The following COPB2 variants were observed in gnomAD, a reference collection of about 807,000 sequenced individuals.
The protein encoded by COPB2 is coatomer subunit beta'.
COPB2 carries 16 observed loss-of-function variants against 120.8 expected under a neutral mutation model. The ratio of observed to expected loss-of-function variants is 0.13; its 90% confidence interval spans 0.09 to 0.20. The LOEUF is 0.20. Ranked by LOEUF, COPB2 falls within the 10% of genes least tolerant of loss-of-function variation. COPB2 has a pLI of 1.00. For synonymous variants in COPB2, 332 were observed against 366.3 expected (o/e 0.91, Z 1.07); for missense variants, 794 against 1,076.5 (o/e 0.74, Z 3.67).
At chr3:139,383,010 C>A (rs1941841946) in intron 2 of COPB2, 2 of 366,788 alleles carry the variant, frequency 5.5e-6, no homozygotes, top group African/African-American at 4.2e-5. Flanking sequence ...AATACTTTAG[C>A]AAGTGATTCT....
intron 21 of COPB2, 24 bp from the exon 22 acceptor site, chr3:139,357,982 A>C (rs367563271): frequency 2.1e-6 from 3 of 1,417,778 alleles, no homozygotes; most frequent in Non-Finnish European, 2.9e-6. Flanking sequence ...GAAGAGGGTA[A>C]TTAAGTTTTA....
At chr3:139,388,167 C>G (rs1239465724) in intron 1 of COPB2, 1 of 152,130 alleles carries the variant, frequency 6.6e-6, no homozygotes, top group Non-Finnish European at 1.5e-5. Context: ...ACTGCAACCA[C>G]AGCAGACCCA....
At chr3:139,378,570 AAAAAGT>A (rs1232812111) in intron 4 of COPB2, among the ~76,000 whole-genome samples, 1 of 152,230 alleles carries the variant, frequency 6.6e-6, no homozygotes, top group Non-Finnish European at 1.5e-5. Flanking sequence ...ATTGGTTTTT[AAAAAGT>A]TTTTAATTAC....
intron 10 of COPB2, 96 bp downstream of exon 10, chr3:139,371,627 G>A (rs1316419728): frequency 7.8e-6 from 8 of 1,019,754 alleles, no homozygotes; most frequent in Non-Finnish European, 1.2e-5. Context: ...TTTTAACACG[G>A]AGAATCACAG....
chr3:139,366,447 G>T (rs894636868), intron 15 of COPB2, 121 bp downstream of exon 15: 3 of 888,452 alleles, frequency 3.4e-6, no homozygotes, highest in Non-Finnish European at 3.4e-6. Flanking sequence ...ACTCACAGGA[G>T]AAATTCTATT....
chr3:139,381,148 T>C (rs1941804418), intron 2 of COPB2: 2 of 152,220 alleles, frequency 1.3e-5, no homozygotes, highest in African/African-American at 4.8e-5. Flanking sequence ...GGCAATAATA[T>C]CATCTTCACT....
chr3:139,358,162 T>G, intron 21 of COPB2, 38 bp downstream of exon 21: 1 of 1,556,768 alleles, frequency 6.4e-7, no homozygotes, highest in South Asian at 1.1e-5. Context: ...GGGAGGAAGA[T>G]GGGGTAGAGG....
chr3:139,372,613 T>C (rs1210403957), intron 9 of COPB2, among the ~76,000 whole-genome samples: 2 of 152,226 alleles, frequency 1.3e-5, no homozygotes, highest in African/African-American at 4.8e-5. Flanking sequence ...TCTTTTTCAA[T>C]ACTCAGCACA....
chr3:139,379,107 A>G lies in COPB2; in HGVS notation c.295T>C (p.Ser99Pro). The G allele has an allele frequency of 6.2e-7, 1 of 1,612,972 alleles. No individual in the cohort carries two copies. Among genetic ancestry groups the G allele is most frequent in the Non-Finnish European group, 8.5e-7 (1 of 1,179,650 alleles). ...ACAGCAATACAGCGAATGTAGTCTG[A>G]GTGTGCTTCAAACATATGAACTCTC... ...LERVHMFEAHSDYIRCIAVHP... is the reference protein window; with the variant it reads ...LERVHMFEAHPDYIRCIAVHP... Residue 99 changes from serine (S) to proline (P), a missense_variant, in exon 4 of 22, where the codon TCA becomes CCA. Physicochemically the swap from Ser to Pro is moderately conservative, Grantham distance 74 (BLOSUM62 -1). This residue lies in a region of COPB2 where 610 missense variants were observed against 866.7 expected (regional missense o/e 0.70). Transcript: ENST00000333188.
chr3:139,389,398 TG>T, intron 1 of COPB2, 149 bp downstream of exon 1: 1 of 1,140,602 alleles, frequency 8.8e-7, no homozygotes, highest in Admixed American at 6.8e-5. Context: ...TCTCCCTTCC[TG>T]GAATCAAACG....
intron 17 of COPB2, among the ~76,000 whole-genome samples, chr3:139,359,953 T>C (rs1391291471): frequency 1.3e-5 from 2 of 152,106 alleles, no homozygotes; most frequent in Admixed American, 6.5e-5. Context: ...ATAACTTACA[T>C]AGGAATGTTA....
At chr3:139,389,497 A>G (rs1216697224) in intron 1 of COPB2, 51 bp downstream of exon 1, 6 of 1,523,934 alleles carry the variant, frequency 3.9e-6, no homozygotes, top group Non-Finnish European at 5.4e-6. Context: ...AGCTCCAGGA[A>G]TCGGCCGTAA....
In COPB2 at chr3:139,359,101, T is replaced by C. The variant is rs1178799538; in HGVS notation, c.2381A>G (p.Tyr794Cys). The C allele has an allele frequency of 6.2e-7, 1 of 1,614,060 alleles. No individual in the cohort carries two copies. Among genetic ancestry groups the C allele is most frequent in the Non-Finnish European group, 8.5e-7 (1 of 1,180,016 alleles). Residue 794 changes from tyrosine (Y) to cysteine (C), a missense_variant, in exon 19 of 22, where the codon TAT becomes TGT. Coordinates refer to ENST00000333188, the MANE Select transcript of COPB2 (RefSeq NM_004766.3). ...AAESLADPTEYENLFPGLKEA... is the reference protein window; with the variant it reads ...AAESLADPTECENLFPGLKEA... ...TTTTAATCCAGGGAACAGGTTTTCATACTCTGTTGGGTCAGCAAGGGATTC... is the reference window on the plus strand; with the variant it reads ...TTTTAATCCAGGGAACAGGTTTTCACACTCTGTTGGGTCAGCAAGGGATTC...
chr3:139,361,767 A>G (rs886951880), intron 16 of COPB2, among the ~76,000 whole-genome samples: 3 of 152,384 alleles, frequency 2.0e-5, no homozygotes, highest in Non-Finnish European at 4.4e-5. Flanking sequence ...TATTTTGCAC[A>G]TCTGAAATTA....
At chr3:139,378,937 G>T (rs1057408913) in intron 4 of COPB2, 110 bp downstream of exon 4, 2 of 1,192,794 alleles carry the variant, frequency 1.7e-6, no homozygotes, top group East Asian at 2.6e-5. Flanking sequence ...TTTAAAGGCC[G>T]CTTGGAATTA....
rs1941348620 is a variant in COPB2, at chr3:139,358,783, C to A, written c.2514G>T (p.Glu838Asp). 6.2e-7 allele frequency: 1 copy of A among 1,613,008 alleles called. No individual in the cohort carries two copies. Among genetic ancestry groups the A allele is most frequent in the Non-Finnish European group, 8.5e-7 (1 of 1,179,218 alleles). ...ATCTTGAGGGCTGAAAGTCTTTTCC[C>A]TCTTCCATGACATTTCTCTCTTCAT... ...TPNEERNVME[E>D]GKDFQPSRST... The change falls in exon 20 of 22, where the codon GAG becomes GAT. Residue 838 changes from glutamate (E) to aspartate (D), a missense_variant. By Grantham distance (45) the Glu-to-Asp change is conservative. Coordinates refer to ENST00000333188, the MANE Select transcript of COPB2 (RefSeq NM_004766.3).
At chr3:139,387,921 C>T (rs958463664) in intron 1 of COPB2, among the ~76,000 whole-genome samples, 1 of 152,220 alleles carries the variant, frequency 6.6e-6, no homozygotes, top group African/African-American at 2.4e-5. Flanking sequence ...ATAACTCTAT[C>T]TCCCAGCTGC....
chr3:139,378,916 G>T, intron 4 of COPB2, 131 bp downstream of exon 4: 1 of 871,730 alleles, frequency 1.1e-6, no homozygotes, highest in Non-Finnish European at 1.7e-6. Flanking sequence ...CACAGTAATG[G>T]ATCTAAATAG....
In COPB2 at chr3:139,360,627, T is replaced by C. The variant is rs143902443; in HGVS notation, c.2210+454A>G. On this transcript the variant is annotated intron_variant, in intron 17 of 21. Coordinates refer to ENST00000333188, the MANE Select transcript of COPB2 (RefSeq NM_004766.3). ...GCTAACTCGGTTAGACTTAAAAATA[T>C]GAGACATCTTTATGCTTTATAGTGG... Among the ~76,000 whole-genome samples, 6 of 152,206 alleles carry C rather than the reference T, an allele frequency of 3.9e-5. No individual in the cohort carries two copies. In the East Asian group the frequency reaches 7.7e-4, roughly 20 times the overall value.
Sources: gnomAD v4.1 joint callset for allele counts (sites outside exome capture counted in the v4.1 genomes callset) on GRCh38, gnomAD v4.1.1 for gene constraint, gnomAD v4.1.1 regional missense constraint, MANE v1.5 for transcripts, NCBI Gene and HGNC (gene_info 2026-07-23, HGNC 2026-07-21) for gene names.